The following PACSIN2 variants were observed in gnomAD, a reference collection of about 807,000 sequenced individuals.
The protein encoded by PACSIN2 is protein kinase C and casein kinase substrate in neurons 2, also known as protein kinase C and casein kinase substrate in neurons protein 2.
In PACSIN2, 25 loss-of-function variants were observed where a neutral mutation model predicts 63.8. The observed-to-expected ratio is 0.39, with a 90% confidence interval of 0.29 to 0.55. The LOEUF is 0.55. Ranked by LOEUF, PACSIN2 falls within the 20% of genes least tolerant of loss-of-function variation. The probability of loss-of-function intolerance (pLI) is 0.62; values close to 1 mark genes in which losing one functional copy is unlikely to be tolerated. For missense variants in PACSIN2, 518 were observed against 646.9 expected (o/e 0.80, Z 2.16); for synonymous variants, 255 against 256.2 (o/e 1.00, Z 0.05).
chr22:42,890,107 TTC>T (rs1303234829), intron 4 of PACSIN2, among the ~76,000 whole-genome samples: 2 of 151,590 alleles, frequency 1.3e-5, no homozygotes, highest in African/African-American at 2.4e-5. Context: ...GTTCAAGTGA[TTC>T]TCCTCCCTCA....
chr22:42,973,928 C>T (rs1264031213), intron 1 of PACSIN2, among the ~76,000 whole-genome samples: 3 of 152,214 alleles, frequency 2.0e-5, no homozygotes, highest in African/African-American at 7.2e-5. Context: ...ATGCCAAGTA[C>T]CAAGAACAGA....
At chr22:42,902,997 C>A (rs1930804903) in intron 2 of PACSIN2, among the ~76,000 whole-genome samples, 1 of 152,226 alleles carries the variant, frequency 6.6e-6, no homozygotes, top group South Asian at 2.1e-4. Context: ...CGTCATCAGC[C>A]AGTAACTTCA....
At chr22:42,932,726 TTGA>T (rs1932806810) in intron 1 of PACSIN2, among the ~76,000 whole-genome samples, 1 of 151,974 alleles carries the variant, frequency 6.6e-6, no homozygotes, top group South Asian at 2.1e-4. Flanking sequence ...AAACAATTTT[TTGA>T]TGATTCTTAC....
At chr22:42,957,583 T>C (rs1371538735) in intron 1 of PACSIN2, among the ~76,000 whole-genome samples, 3 of 152,302 alleles carry the variant, frequency 2.0e-5, no homozygotes, top group East Asian at 1.9e-4. Context: ...TTCTGGAAAA[T>C]TGTGAGTAAA....
chr22:42,965,125 T>C (rs1263596527), intron 1 of PACSIN2, among the ~76,000 whole-genome samples: 1 of 152,234 alleles, frequency 6.6e-6, no homozygotes, highest in African/African-American at 2.4e-5. Context: ...TACTGACAGA[T>C]GTGACATGGA....
intron 2 of PACSIN2, among the ~76,000 whole-genome samples, chr22:42,909,998 C>T (rs1931341771): frequency 6.6e-6 from 1 of 152,184 alleles, no homozygotes; most frequent in South Asian, 2.1e-4. Context: ...TTCTTTTAAC[C>T]CTCACAATAC....
intron 7 of PACSIN2, among the ~76,000 whole-genome samples, chr22:42,879,892 G>A (rs1219515332): frequency 6.6e-6 from 1 of 152,166 alleles, no homozygotes; most frequent in Non-Finnish European, 1.5e-5. Context: ...TTTCCTCTGT[G>A]ATCTGAGCAC....
chr22:42,879,357 C>A (rs552247994), intron 7 of PACSIN2, among the ~76,000 whole-genome samples, 188 bp from the exon 8 acceptor site: 1 of 152,248 alleles, frequency 6.6e-6, no homozygotes, highest in Admixed American at 6.5e-5. Flanking sequence ...TGAACCCAAA[C>A]GACCTGAGCC....
intron 1 of PACSIN2, among the ~76,000 whole-genome samples, chr22:42,963,366 C>T (rs1250471347): frequency 1.3e-5 from 2 of 152,172 alleles, no homozygotes; most frequent in African/African-American, 2.4e-5. Context: ...AGACCAGCAG[C>T]GCCACCCATC....
chr22:42,879,858 C>T (rs1928939211), intron 7 of PACSIN2, among the ~76,000 whole-genome samples: 1 of 152,202 alleles, frequency 6.6e-6, no homozygotes, highest in Non-Finnish European at 1.5e-5. Flanking sequence ...AGGGCCCTCC[C>T]CAGTGTTTTG....
chr22:42,872,174 G>A (rs543136666), intron 10 of PACSIN2, among the ~76,000 whole-genome samples: 45 of 152,374 alleles, frequency 3.0e-4, no homozygotes, highest in Middle Eastern at 3.4e-3. Context: ...AGGAGATACA[G>A]AGATGAGAGG....
chr22:42,939,381 ACT>A (rs1465235352), intron 1 of PACSIN2, among the ~76,000 whole-genome samples: 1 of 152,200 alleles, frequency 6.6e-6, no homozygotes, highest in African/African-American at 2.4e-5. Context: ...CAAAAATGAC[ACT>A]TTTTCAAATT....
At chr22:42,877,994 G>A (rs1345390058) in intron 8 of PACSIN2, among the ~76,000 whole-genome samples, 1 of 152,238 alleles carries the variant, frequency 6.6e-6, no homozygotes, top group Non-Finnish European at 1.5e-5. Flanking sequence ...ATCCACTTCA[G>A]CCTGGCAAGT....
intron 1 of PACSIN2, among the ~76,000 whole-genome samples, chr22:42,940,857 G>A (rs1933126214): frequency 2.0e-5 from 3 of 152,236 alleles, no homozygotes; most frequent in South Asian, 2.1e-4. Context: ...GGGATGATGG[G>A]TGAAGTACTT....
chr22:42,934,248 C>A (rs1025000851), intron 1 of PACSIN2, among the ~76,000 whole-genome samples: 1 of 152,220 alleles, frequency 6.6e-6, no homozygotes, highest in Non-Finnish European at 1.5e-5. Context: ...AACATATAAC[C>A]GAGGCCCAGA....
At chr22:43,003,945 G>A (rs1569370727) in intron 1 of PACSIN2, among the ~76,000 whole-genome samples, 1 of 152,164 alleles carries the variant, frequency 6.6e-6, no homozygotes, top group Non-Finnish European at 1.5e-5. Context: ...TCCCTGCTGT[G>A]TAAATGGTTG....
At chr22:42,924,116 G>A (rs1313678917) in intron 1 of PACSIN2, among the ~76,000 whole-genome samples, 1 of 152,030 alleles carries the variant, frequency 6.6e-6, no homozygotes, top group African/African-American at 2.4e-5. Flanking sequence ...AGAAGGAAGG[G>A]AGGTTCCCAC....
chr22:42,902,828 G>A (rs776385576), intron 2 of PACSIN2, among the ~76,000 whole-genome samples: 1 of 152,200 alleles, frequency 6.6e-6, no homozygotes, highest in Non-Finnish European at 1.5e-5. Context: ...TGGCCAGGCT[G>A]GTCTTGAACT....
chr22:42,976,406 G>A (rs1640545166), intron 1 of PACSIN2, among the ~76,000 whole-genome samples: 1 of 152,236 alleles, frequency 6.6e-6, no homozygotes. Context: ...ACACTGGCCA[G>A]CCCAGGCGAC....
Sources: gnomAD v4.1 joint callset for allele counts (sites outside exome capture counted in the v4.1 genomes callset) on GRCh38, gnomAD v4.1.1 for gene constraint, MANE v1.5 for transcripts, NCBI Gene and HGNC (gene_info 2026-07-23, HGNC 2026-07-21) for gene names.